Variants in GALNT10 observed in about 807,000 individuals in gnomAD.
GALNT10 encodes the protein GalNAc transferase 10.
Under a neutral mutation model 75.0 loss-of-function variants are expected in GALNT10, and 41 were observed. The observed-to-expected ratio is 0.55, with a 90% CI of 0.43 to 0.71. The LOEUF (loss-of-function observed/expected upper bound fraction) is 0.71. Ranked by LOEUF, GALNT10 falls within the 30% of genes least tolerant of loss-of-function variation. The pLI is 0.00. For missense variants in GALNT10, 727 were observed against 818.5 expected (o/e 0.89, Z 1.36); for synonymous variants, 302 against 313.0 (o/e 0.96, Z 0.37).
intron 1 of GALNT10, among the ~76,000 whole-genome samples, chr5:154,205,060 T>C (rs1481198649): frequency 6.6e-6 from 1 of 152,208 alleles, no homozygotes; most frequent in African/African-American, 2.4e-5. Context: ...CACTCCTCCG[T>C]GTTTCATTTG....
At chr5:154,331,348 G>A (rs956106716) in intron 4 of GALNT10, among the ~76,000 whole-genome samples, 2 of 152,174 alleles carry the variant, frequency 1.3e-5, no homozygotes, top group Non-Finnish European at 2.9e-5. Context: ...GGTGGTGGGG[G>A]TGTGCCTTCC....
At chr5:154,359,778 T>G (rs1193826319) in intron 4 of GALNT10, among the ~76,000 whole-genome samples, 1 of 150,822 alleles carries the variant, frequency 6.6e-6, no homozygotes, top group Non-Finnish European at 1.5e-5. Flanking sequence ...TTTTTCTAAG[T>G]ATTTTATTAT....
At chr5:154,279,462 C>A (rs2113051743) in intron 1 of GALNT10, among the ~76,000 whole-genome samples, 1 of 152,124 alleles carries the variant, frequency 6.6e-6, no homozygotes, top group African/African-American at 2.4e-5. Flanking sequence ...CACCACCACA[C>A]CCAGCTAATT....
At chr5:154,199,816 GC>G (rs914514931) in intron 1 of GALNT10, among the ~76,000 whole-genome samples, 4 of 152,192 alleles carry the variant, frequency 2.6e-5, no homozygotes, top group Non-Finnish European at 5.9e-5. Flanking sequence ...TGATCCTCAG[GC>G]CCAGCTCTGC....
chr5:154,338,460 G>A (rs1470995290), intron 4 of GALNT10: 8 of 299,714 alleles, frequency 2.7e-5, no homozygotes, highest in Non-Finnish European at 5.1e-5. Flanking sequence ...CATGATGGCA[G>A]TGGGAGGAGA....
At chr5:154,314,615 T>A (rs1234572213) in intron 3 of GALNT10, among the ~76,000 whole-genome samples, 3 of 151,938 alleles carry the variant, frequency 2.0e-5, no homozygotes, top group African/African-American at 7.2e-5. Context: ...TGCTGGCGTC[T>A]GCCTATCTGC....
At chr5:154,363,290 A>AT (rs1160825763) in intron 4 of GALNT10, among the ~76,000 whole-genome samples, 3 of 151,632 alleles carry the variant, frequency 2.0e-5, no homozygotes, top group South Asian at 2.1e-4. Context: ...TGGTTAAAAC[A>AT]TTTTTTTTCA....
At chr5:154,315,777 G>A (rs139555282) in intron 3 of GALNT10, among the ~76,000 whole-genome samples, 3 of 152,342 alleles carry the variant, frequency 2.0e-5, no homozygotes, top group Non-Finnish European at 2.9e-5. Context: ...CAGAAGGGAA[G>A]GCATGGGCAA....
chr5:154,224,124 G>T (rs1753026149), intron 1 of GALNT10, among the ~76,000 whole-genome samples: 1 of 152,156 alleles, frequency 6.6e-6, no homozygotes, highest in Non-Finnish European at 1.5e-5. Context: ...GATTCCAGAG[G>T]CAATAGTGAT....
chr5:154,298,044 C>G lies in GALNT10; in HGVS notation c.366C>G (p.Ser122=). The G allele has an allele frequency of 6.2e-7, 1 of 1,613,394 alleles. No homozygotes were observed. Residue 122 remains serine (S), a synonymous_variant, in exon 3 of 12, where the codon TCC becomes TCG. Coordinates refer to ENST00000297107, the MANE Select transcript of GALNT10 (RefSeq NM_198321.4). This position sits in a 1 kb window ranked among gnomAD's most constrained non-coding sequence, Gnocchi z 4.1. ...ACATCTACGTCAGTGATAAAATCTC[C>G]TTGAATCGCTCTCTCCCAGATATCC... ...GFNIYVSDKI[S]LNRSLPDIRH...
intron 7 of GALNT10, among the ~76,000 whole-genome samples, chr5:154,390,965 TCTCCAGAGG>T: frequency 6.6e-6 from 1 of 152,304 alleles, no homozygotes; most frequent in East Asian, 1.9e-4. Flanking sequence ...TGTCCGTCAC[TCTCCAGAGG>T]AAATGAGACA....
At chr5:154,366,953 G>C (rs1048974132) in intron 4 of GALNT10, among the ~76,000 whole-genome samples, 4 of 152,256 alleles carry the variant, frequency 2.6e-5, no homozygotes, top group Non-Finnish European at 5.9e-5. Flanking sequence ...GATCAAGTGG[G>C]CCACCTTTTA....
At position 154,376,298 on chromosome 5, in the gene GALNT10, AAGAC is replaced by A; in HGVS notation, c.591_594del (p.Glu197AspfsTer9). ...ATAGAGCACCTGAAGAAGCCTCTTG[AAGAC>A]TACATGGCCCTTTTCCCCAGTGTGA... On this transcript the variant is annotated frameshift_variant, in exon 5 of 12. Coordinates refer to ENST00000297107, the MANE Select transcript of GALNT10 (RefSeq NM_198321.4). LOFTEE classifies it high-confidence loss of function. The surrounding 1 kb of genome is among the most constrained non-coding windows in gnomAD (Gnocchi z 4.1). 1 of 1,612,206 alleles carries A rather than the reference AAGAC, an allele frequency of 6.2e-7. No homozygotes were observed. The highest frequency in any genetic ancestry group is 8.5e-7 in the Non-Finnish European group (1 of 1,178,684).
At chr5:154,233,940 G>A (rs1007059205) in intron 1 of GALNT10, among the ~76,000 whole-genome samples, 1 of 152,092 alleles carries the variant, frequency 6.6e-6, no homozygotes, top group African/African-American at 2.4e-5. Context: ...GGTGGCCAAT[G>A]TCAGATTCAC....
chr5:154,259,466 T>C (rs564584649), intron 1 of GALNT10, among the ~76,000 whole-genome samples: 3 of 152,308 alleles, frequency 2.0e-5, no homozygotes, highest in African/African-American at 7.2e-5. Context: ...CTCTTTGCAA[T>C]TAATAGGTAT....
intron 8 of GALNT10, among the ~76,000 whole-genome samples, chr5:154,405,759 T>A (rs1227540581): frequency 2.0e-5 from 3 of 151,880 alleles, no homozygotes. Context: ...GGTGGGAAGA[T>A]CACTTGGGCC....
At chr5:154,366,960 T>G (rs1755485178) in intron 4 of GALNT10, among the ~76,000 whole-genome samples, 1 of 152,120 alleles carries the variant, frequency 6.6e-6, no homozygotes. Context: ...TGGGCCACCT[T>G]TTAACATTAT....
chr5:154,378,603 T>C (rs1755691121), intron 5 of GALNT10, among the ~76,000 whole-genome samples: 1 of 152,188 alleles, frequency 6.6e-6, no homozygotes, highest in South Asian at 2.1e-4. Context: ...ATCATCCCAC[T>C]TGGACCTCAC....
At chr5:154,254,778 A>G (rs931374908) in intron 1 of GALNT10, among the ~76,000 whole-genome samples, 3 of 152,174 alleles carry the variant, frequency 2.0e-5, no homozygotes, top group South Asian at 2.1e-4. Flanking sequence ...CAAGTAACAG[A>G]AAACTCTATT....
Sources: gnomAD v4.1 joint callset for allele counts (sites outside exome capture counted in the v4.1 genomes callset) on GRCh38, gnomAD v4.1.1 for gene constraint, Gnocchi (gnomAD v3.1) non-coding constraint, MANE v1.5 for transcripts, NCBI Gene and HGNC (gene_info 2026-07-23, HGNC 2026-07-21) for gene names.